NAALADL2: variants seen among roughly 807,000 people sequenced by gnomAD.
NAALADL2 encodes the protein inactive N-acetylated-alpha-linked acidic dipeptidase-like protein 2.
Under a neutral mutation model 87.2 loss-of-function variants are expected in NAALADL2, and 76 were observed. The observed-to-expected ratio is 0.87, with a 90% CI of 0.72 to 1.05. NAALADL2 has a LOEUF of 1.05. Among genes scored for constraint, NAALADL2 ranks in the 50% least tolerant of loss-of-function variants. The pLI, the probability that NAALADL2 is intolerant of heterozygous loss-of-function variation, is 0.00. For synonymous variants in NAALADL2, 354 were observed against 331.0 expected, an observed-to-expected ratio of 1.07 and a Z score of -0.75; for missense variants, 1,089 against 945.8, an observed-to-expected ratio of 1.15 and a Z score of -1.99.
At position 175,362,484 on chromosome 3, in the gene NAALADL2, T is replaced by C. The variant is rs955602395; in HGVS notation, c.1090+38159T>C. On this transcript the variant is annotated intron_variant, in intron 5 of 13. Transcript: ENST00000454872. ...TTATGGCCATTTTCATGGTATTGAT[T>C]GTTCCTATCCATGAGCATGGAATGT... 8.1e-5 allele frequency among the ~76,000 whole-genome samples: 12 copies of C among 148,272 alleles called. 1 individual carries two copies. The highest frequency in any genetic ancestry group is 2.7e-4 in the African/African-American group (11 of 40,734).
chr3:175,727,263 GT>G (rs1397288837), intron 11 of NAALADL2, among the ~76,000 whole-genome samples: 3 of 152,114 alleles, frequency 2.0e-5, no homozygotes, highest in Non-Finnish European at 4.4e-5. Flanking sequence ...TGAAACAGCA[GT>G]TTCTCAGCAC....
chr3:175,550,460 A>T (rs1390774823), intron 9 of NAALADL2, among the ~76,000 whole-genome samples: 2 of 152,178 alleles, frequency 1.3e-5, no homozygotes, highest in Non-Finnish European at 2.9e-5. Context: ...CATGAAGGCA[A>T]ATATTAAAAT....
intron 6 of NAALADL2, among the ~76,000 whole-genome samples, chr3:175,451,163 G>A (rs570371973): frequency 6.6e-6 from 1 of 152,106 alleles, no homozygotes; most frequent in African/African-American, 2.4e-5. Context: ...TTACTCCTTT[G>A]TTTCAGCCTA....
intron 1 of NAALADL2, among the ~76,000 whole-genome samples, chr3:175,039,721 G>A (rs1468413173): frequency 6.6e-6 from 1 of 152,074 alleles, no homozygotes; most frequent in Admixed American, 6.6e-5. Flanking sequence ...TCTTAGTGTA[G>A]GAAATTCTAT....
chr3:175,086,306 G>C (rs1241988370), intron 1 of NAALADL2, among the ~76,000 whole-genome samples: 4 of 151,906 alleles, frequency 2.6e-5, no homozygotes, highest in Non-Finnish European at 5.9e-5. Flanking sequence ...GGATGCCTTA[G>C]ATATCAACAG....
intron 1 of NAALADL2, among the ~76,000 whole-genome samples, chr3:174,445,742 T>C (rs180985399): frequency 3.3e-5 from 5 of 152,258 alleles, no homozygotes; most frequent in Non-Finnish European, 5.9e-5. Context: ...GAGTAAAATA[T>C]ATGACCTTAT....
intron 5 of NAALADL2, among the ~76,000 whole-genome samples, chr3:175,406,186 G>A (rs987170607): frequency 5.9e-5 from 9 of 152,128 alleles, no homozygotes; most frequent in African/African-American, 9.7e-5. Flanking sequence ...TGAGAAAGAC[G>A]GTGATGTGAA....
intron 10 of NAALADL2, among the ~76,000 whole-genome samples, chr3:175,622,857 G>A (rs766991719): frequency 5.3e-5 from 8 of 152,110 alleles, no homozygotes; most frequent in Non-Finnish European, 8.8e-5. Flanking sequence ...GGATTAAGGA[G>A]ACAGCAGACA....
intron 5 of NAALADL2, among the ~76,000 whole-genome samples, chr3:175,364,624 G>A (rs942089358): frequency 1.4e-5 from 2 of 147,650 alleles, no homozygotes; most frequent in African/African-American, 4.9e-5. Context: ...CAAGCTTGAT[G>A]TTCCCAAAAC....
At chr3:174,686,211 T>C (rs2108839589) in intron 2 of NAALADL2, among the ~76,000 whole-genome samples, 1 of 152,280 alleles carries the variant, frequency 6.6e-6, no homozygotes, top group South Asian at 2.1e-4. Context: ...GATTAAATGG[T>C]ATTTCTGTCT....
intron 5 of NAALADL2, among the ~76,000 whole-genome samples, chr3:175,362,035 A>G (rs1432589341): frequency 2.0e-5 from 3 of 147,860 alleles, no homozygotes; most frequent in East Asian, 2.0e-4. Flanking sequence ...ATCTTGAATT[A>G]ATTTTTGTAT....
chr3:175,193,614 C>G (rs1180940424), intron 2 of NAALADL2, among the ~76,000 whole-genome samples: 2 of 151,866 alleles, frequency 1.3e-5, no homozygotes, highest in Non-Finnish European at 2.9e-5. Flanking sequence ...ATTCCATACC[C>G]CTCTACCTGT....
chr3:175,409,547 A>T (rs1047310023), intron 5 of NAALADL2, among the ~76,000 whole-genome samples: 2 of 151,928 alleles, frequency 1.3e-5, no homozygotes, highest in African/African-American at 2.4e-5. Flanking sequence ...AATAATATAT[A>T]TAAGTATAAG....
At chr3:175,405,594 A>G (rs977342703) in intron 5 of NAALADL2, among the ~76,000 whole-genome samples, 4 of 152,180 alleles carry the variant, frequency 2.6e-5, no homozygotes, top group African/African-American at 9.7e-5. Flanking sequence ...TCTTTCTAAT[A>G]TATTTTCTTT....
intron 2 of NAALADL2, among the ~76,000 whole-genome samples, chr3:174,671,290 T>G (rs998448437): frequency 6.6e-6 from 1 of 152,062 alleles, no homozygotes. Flanking sequence ...ATGGTCAGAG[T>G]GCAAGGAAGT....
chr3:174,836,813 T>G (rs937107541), intron 3 of NAALADL2, among the ~76,000 whole-genome samples: 3 of 152,076 alleles, frequency 2.0e-5, no homozygotes, highest in African/African-American at 7.2e-5. Context: ...AACACATTTT[T>G]AGTAGTTCAA....
chr3:175,807,324 AAAAAT>A lies in NAALADL2; in HGVS notation c.*4130_*4134del, dbSNP rs1190625007. 2.6e-5 allele frequency: 4 copies of A among 151,976 alleles called. No individual in the cohort carries two copies. The highest frequency in any genetic ancestry group is 9.7e-5 in the African/African-American group (4 of 41,440). The allele number at this position is 151,976 out of a possible 1,614,324, so 9.4% of individuals were successfully genotyped here. On this transcript the variant is annotated 3_prime_UTR_variant, in exon 14 of 14. Coordinates refer to ENST00000454872, the MANE Select transcript of NAALADL2 (RefSeq NM_207015.3). ...CCCCACAGGAAAGACAGATGTTAAC[AAAAAT>A]AAAATAAATGATTATTTGTGACCAT...
At chr3:175,777,078 G>A (rs988772257) in intron 13 of NAALADL2, among the ~76,000 whole-genome samples, 6 of 151,406 alleles carry the variant, frequency 4.0e-5, no homozygotes, top group African/African-American at 7.3e-5. Flanking sequence ...TTTATTTGCC[G>A]TCTTCTGATT....
intron 2 of NAALADL2, among the ~76,000 whole-genome samples, chr3:174,661,895 A>T (rs1024292014): frequency 6.6e-6 from 1 of 152,188 alleles, no homozygotes; most frequent in African/African-American, 2.4e-5. Context: ...ATGGAACTAG[A>T]GGCCATGATC....
Sources: allele counts gnomAD v4.1 joint callset (sites outside exome capture counted in the v4.1 genomes callset), GRCh38; gene constraint gnomAD v4.1.1; transcripts MANE v1.5; gene names NCBI Gene and HGNC (gene_info 2026-07-23, HGNC 2026-07-21).